Variants in RABGAP1L observed in about 807,000 individuals in gnomAD.
RABGAP1L encodes RAB GTPase activating protein 1 like.
RABGAP1L carries 63 observed loss-of-function variants against 137.7 expected under a neutral mutation model. The ratio of observed to expected loss-of-function variants is 0.46; its 90% CI spans 0.37 to 0.56. The LOEUF (loss-of-function observed/expected upper bound fraction) is 0.56. RABGAP1L is among the 20% of genes least tolerant of loss of function. The probability of loss-of-function intolerance (pLI) is 0.00; values close to 1 mark genes in which losing one functional copy is unlikely to be tolerated. For synonymous variants in RABGAP1L, 431 were observed against 433.7 expected, an observed-to-expected ratio of 0.99 and a Z score of 0.08; for missense variants, 1,095 against 1,244.0, an observed-to-expected ratio of 0.88 and a Z score of 1.80.
At chr1:174,780,062 A>G (rs1267742048) in intron 18 of RABGAP1L, among the ~76,000 whole-genome samples, 2 of 137,574 alleles carry the variant, frequency 1.5e-5, no homozygotes, top group Non-Finnish European at 3.1e-5. Context: ...GTGAAACTCC[A>G]TCTTACAATA....
chr1:174,396,240 A>G (rs2149089457), intron 13 of RABGAP1L, among the ~76,000 whole-genome samples: 1 of 152,256 alleles, frequency 6.6e-6, no homozygotes, highest in South Asian at 2.1e-4. Context: ...CTGGAATTAG[A>G]CGGTGGTGAC....
intron 13 of RABGAP1L, among the ~76,000 whole-genome samples, chr1:174,492,910 T>G (rs114720347): frequency 0.019 from 2,864 of 152,132 alleles, 42 homozygotes; most frequent in Middle Eastern, 0.078. Context: ...ACTTTTTGTT[T>G]CCATAGCACC....
rs3057021 is a variant in RABGAP1L, at chr1:174,327,986, C to CATATAT, written c.1465+22893_1465+22898dup. Among the ~76,000 whole-genome samples, 453 of 53,510 alleles carry CATATAT rather than the reference C, an allele frequency of 8.5e-3. 4 individuals are homozygous for CATATAT. The highest frequency in any genetic ancestry group is 0.034 in the Admixed American group (157 of 4,560). The allele number at this position is 53,510 out of a possible 152,430, so 35.1% of individuals were successfully genotyped here. ...ATATATATATATATATATACACACACATATATATATATATATATATATATA... is the reference window on the plus strand; with the variant it reads ...ATATATATATATATATATACACACACATATATATATATATATATATATATATATATA... On this transcript the variant is annotated intron_variant, in intron 11 of 25. Transcript: ENST00000681986.
intron 14 of RABGAP1L, among the ~76,000 whole-genome samples, chr1:174,681,081 AGTGAAGCAAGGGGT>A (rs1678029158): frequency 6.6e-6 from 1 of 152,226 alleles, no homozygotes; most frequent in Non-Finnish European, 1.5e-5. Context: ...TTGACAAGGA[AGTGAAGCAAGGGGT>A]GCTCTCATAT....
intron 13 of RABGAP1L, among the ~76,000 whole-genome samples, chr1:174,633,762 T>A (rs1219591731): frequency 7.1e-6 from 1 of 141,006 alleles, no homozygotes; most frequent in African/African-American, 2.8e-5. Context: ...TTGACAAACC[T>A]GAGAAAAACA....
At chr1:174,788,536 A>G (rs1191750305) in intron 18 of RABGAP1L, among the ~76,000 whole-genome samples, 1 of 152,152 alleles carries the variant, frequency 6.6e-6, no homozygotes, top group Non-Finnish European at 1.5e-5. Context: ...GAGCTTTCTG[A>G]CTTGTCTACC....
intron 14 of RABGAP1L, among the ~76,000 whole-genome samples, chr1:174,663,135 C>T (rs1676512980): frequency 6.6e-6 from 1 of 152,118 alleles, no homozygotes; most frequent in Non-Finnish European, 1.5e-5. Flanking sequence ...AGTAATGTTC[C>T]AGACCTTCAC....
chr1:174,482,298 A>G (rs1659181689), intron 13 of RABGAP1L, among the ~76,000 whole-genome samples: 1 of 152,254 alleles, frequency 6.6e-6, no homozygotes, highest in South Asian at 2.1e-4. Flanking sequence ...TAAAATAAAT[A>G]CTAAAAATTC....
rs574472583 is a variant in RABGAP1L, at chr1:174,626,784, A to T, written c.1711-10591A>T. ...GTACACTTTTATATTTTCTCTTTTC[A>T]TCTCTGCCTCTATGGATTTTTGGCA... On this transcript the variant is annotated intron_variant, in intron 13 of 25. Coordinates refer to ENST00000681986, the MANE Select transcript of RABGAP1L (RefSeq NM_001366446.1). Among the ~76,000 whole-genome samples, 7 of 152,112 alleles carry T rather than the reference A, an allele frequency of 4.6e-5. No homozygotes were observed. In the South Asian group the frequency reaches 1.5e-3, roughly 32 times the overall value.
At chr1:174,440,794 T>G (rs1281672207) in intron 13 of RABGAP1L, among the ~76,000 whole-genome samples, 1 of 152,072 alleles carries the variant, frequency 6.6e-6, no homozygotes, top group East Asian at 1.9e-4. Context: ...TGACCTCAAG[T>G]TGATCTGCCC....
At chr1:174,534,652 A>G (rs1233741761) in intron 13 of RABGAP1L, among the ~76,000 whole-genome samples, 1 of 151,286 alleles carries the variant, frequency 6.6e-6, no homozygotes, top group Admixed American at 6.6e-5. Context: ...TCATGTACCT[A>G]TAATCGCATC....
chr1:174,940,330 T>C (rs1665655615), intron 19 of RABGAP1L, among the ~76,000 whole-genome samples: 1 of 151,552 alleles, frequency 6.6e-6, no homozygotes, highest in South Asian at 2.1e-4. Flanking sequence ...AGTTGCACGA[T>C]CAATCATAGC....
In RABGAP1L at chr1:174,550,909, T is replaced by TACAC. The variant is rs1159259220; in HGVS notation, c.1711-86456_1711-86453dup. Among the ~76,000 whole-genome samples the TACAC allele has an allele frequency of 5.6e-4, 26 of 46,284 alleles. No individual in the cohort carries two copies. In the South Asian group the frequency reaches 8.8e-3, roughly 16 times the overall value. 30.4% of individuals were successfully genotyped at this position (46,284 alleles called of 152,430 possible). ...ATATATATATATACACACACACATATACACACACACACATATATATATACA... is the reference window on the plus strand; with the variant it reads ...ATATATATATATACACACACACATATACACACACACACACACATATATATATACA... On this transcript the variant is annotated intron_variant, in intron 13 of 25. Transcript: ENST00000681986.
At chr1:174,683,678 T>C (rs1193332226) in intron 15 of RABGAP1L, 82 bp downstream of exon 15, 9 of 1,100,258 alleles carry the variant, frequency 8.2e-6, no homozygotes, top group Non-Finnish European at 1.2e-5. Context: ...TCCTTCTTAT[T>C]TCCCATTTAT....
chr1:174,337,212 C>T (rs1206925451), intron 11 of RABGAP1L, among the ~76,000 whole-genome samples: 3 of 151,932 alleles, frequency 2.0e-5, no homozygotes, highest in South Asian at 2.1e-4. Flanking sequence ...TTGTTTAGGG[C>T]TGTAGTCTCT....
At chr1:174,696,041 G>A (rs1679231909) in intron 15 of RABGAP1L, among the ~76,000 whole-genome samples, 1 of 152,112 alleles carries the variant, frequency 6.6e-6, no homozygotes, top group Non-Finnish European at 1.5e-5. Context: ...GGCTACTATG[G>A]CTGCAACTGC....
intron 1 of RABGAP1L, among the ~76,000 whole-genome samples, chr1:174,161,899 T>G (rs1171730140): frequency 6.6e-6 from 1 of 152,104 alleles, no homozygotes; most frequent in Non-Finnish European, 1.5e-5. Context: ...TGGCTAATTT[T>G]TTGTTTTATT....
chr1:174,272,196 A>G (rs1674610070), intron 7 of RABGAP1L, among the ~76,000 whole-genome samples: 1 of 151,984 alleles, frequency 6.6e-6, no homozygotes. Context: ...GTAATATTTT[A>G]CATGCAAATA....
intron 20 of RABGAP1L, among the ~76,000 whole-genome samples, chr1:174,963,586 T>A (rs1669358466): frequency 6.6e-6 from 1 of 151,780 alleles, no homozygotes; most frequent in Non-Finnish European, 1.5e-5. Context: ...TACCTGACAC[T>A]AATATGTTTC....
Sources: gnomAD v4.1 joint callset for allele counts (sites outside exome capture counted in the v4.1 genomes callset) on GRCh38, gnomAD v4.1.1 for gene constraint, MANE v1.5 for transcripts, NCBI Gene and HGNC (gene_info 2026-07-23, HGNC 2026-07-21) for gene names.